Variants in PCDH15 observed in about 807,000 individuals in gnomAD.
PCDH15 encodes the protein protocadherin-15.
A neutral mutation model predicts 178.5 loss-of-function variants in PCDH15; 129 were observed. The observed-to-expected ratio is 0.72, with a 90% CI of 0.63 to 0.84. PCDH15 has a LOEUF of 0.84. Ranked by LOEUF, PCDH15 falls within the 40% of genes least tolerant of loss-of-function variation. The pLI, the probability that PCDH15 is intolerant of heterozygous loss-of-function variation, is 0.00. For synonymous variants in PCDH15, 800 were observed against 732.0 expected (o/e 1.09, Z -1.50); for missense variants, 2,230 against 2,099.9 (o/e 1.06, Z -1.21).
chr10:55,074,907 G>A (rs1417191741), intron 2 of PCDH15, among the ~76,000 whole-genome samples: 1 of 152,108 alleles, frequency 6.6e-6, no homozygotes, highest in African/African-American at 2.4e-5. Flanking sequence ...GTATATGGAA[G>A]GGGTCCAGTT....
At chr10:54,268,416 A>T (rs1004836084) in intron 8 of PCDH15, among the ~76,000 whole-genome samples, 3 of 152,090 alleles carry the variant, frequency 2.0e-5, no homozygotes, top group South Asian at 2.1e-4. Context: ...AAAAACAAAA[A>T]TTGACAAGTG....
At chr10:55,067,500 T>G (rs1003159924) in intron 2 of PCDH15, among the ~76,000 whole-genome samples, 5 of 152,106 alleles carry the variant, frequency 3.3e-5, no homozygotes, top group African/African-American at 1.2e-4. Flanking sequence ...CTTAGGTTGA[T>G]TCCATATCTT....
chr10:53,823,450 A>AAT, intron 32 of PCDH15: 1 of 1,188,484 alleles, frequency 8.4e-7, no homozygotes, highest in Non-Finnish European at 1.3e-6. Flanking sequence ...ATTACTATTA[A>AAT]ATACTTAAAA....
intron 2 of PCDH15, among the ~76,000 whole-genome samples, chr10:55,454,802 T>A (rs1026667056): frequency 2.7e-5 from 4 of 148,054 alleles, no homozygotes; most frequent in Admixed American, 6.8e-5. Flanking sequence ...AAAAAAAAAA[T>A]TTAGCTAGAT....
intron 2 of PCDH15, among the ~76,000 whole-genome samples, chr10:55,066,770 TGA>T (rs1841576060): frequency 6.6e-6 from 1 of 150,996 alleles, no homozygotes; most frequent in African/African-American, 2.4e-5. Context: ...ACAAATTACA[TGA>T]GGTTTTTATT....
chr10:55,216,600 C>A (rs776479289), intron 1 of PCDH15, among the ~76,000 whole-genome samples: 1 of 151,554 alleles, frequency 6.6e-6, no homozygotes, highest in African/African-American at 2.4e-5. Flanking sequence ...TTTTAATGTT[C>A]TCATCACAAA....
At chr10:55,562,583 G>A (rs1309893463) in intron 2 of PCDH15, among the ~76,000 whole-genome samples, 2 of 151,848 alleles carry the variant, frequency 1.3e-5, no homozygotes, top group African/African-American at 4.8e-5. Flanking sequence ...TGGCATACCT[G>A]AGCATACCAA....
chr10:55,321,259 A>G (rs1436111383), upstream of PCDH15, among the ~76,000 whole-genome samples: 1 of 152,200 alleles, frequency 6.6e-6, no homozygotes, highest in Non-Finnish European at 1.5e-5. Context: ...TCTCAGAGCT[A>G]GAAGACTGGC....
chr10:54,934,900 TA>T (rs1396311106), intron 2 of PCDH15, among the ~76,000 whole-genome samples: 3 of 151,748 alleles, frequency 2.0e-5, no homozygotes, highest in Non-Finnish European at 4.4e-5. Context: ...TATGCAGCCA[TA>T]AAAAAGGATG....
intron 18 of PCDH15, among the ~76,000 whole-genome samples, chr10:54,060,535 T>C (rs1473609594): frequency 2.6e-5 from 4 of 152,168 alleles, no homozygotes; most frequent in South Asian, 4.1e-4. Flanking sequence ...CCTGTACATA[T>C]ATTATGTGTA....
chr10:54,402,437 A>G (rs1952048653), intron 3 of PCDH15, among the ~76,000 whole-genome samples: 1 of 152,024 alleles, frequency 6.6e-6, no homozygotes, highest in African/African-American at 2.4e-5. Flanking sequence ...TCGTTTATGT[A>G]TAAAATATTA....
At chr10:54,012,935 T>G (rs1286161468) in intron 20 of PCDH15, among the ~76,000 whole-genome samples, 6 of 151,882 alleles carry the variant, frequency 4.0e-5, no homozygotes, top group Non-Finnish European at 8.8e-5. Flanking sequence ...ATATTAACAC[T>G]GAATGTAAAT....
chr10:54,626,611 T>C (rs2093558001), intron 2 of PCDH15, among the ~76,000 whole-genome samples: 1 of 152,136 alleles, frequency 6.6e-6, no homozygotes. Flanking sequence ...TCAGAAAATA[T>C]ATGGAAATGC....
chr10:54,622,684 T>TTTC (rs2093414585), intron 2 of PCDH15, among the ~76,000 whole-genome samples: 1 of 22,348 alleles, frequency 4.5e-5, no homozygotes, highest in African/African-American at 1.8e-4. Context: ...ATAATATATA[T>TTTC]TATATAATAT....
chr10:55,003,409 C>T (rs1397342859), intron 2 of PCDH15, among the ~76,000 whole-genome samples: 1 of 150,038 alleles, frequency 6.7e-6, no homozygotes, highest in Non-Finnish European at 1.5e-5. Flanking sequence ...ATAGAATGAA[C>T]TAATGGAGGA....
At chr10:55,151,054 C>T (rs973721205) in intron 2 of PCDH15, among the ~76,000 whole-genome samples, 6 of 151,984 alleles carry the variant, frequency 3.9e-5, no homozygotes, top group African/African-American at 1.4e-4. Context: ...CAAGTATTTG[C>T]CTATTCAACA....
Position 54,360,319 on chromosome 10 carries a change from C to T in PCDH15, c.474+8801G>A, listed in dbSNP as rs978675. ...TACTTTTCTTCCCTGCTATATAAAC[C>T]GGCAATTTTAGTCAGCCAAAGAAAT... On this transcript the variant is annotated intron_variant, in intron 5 of 37. Coordinates refer to ENST00000644397, the MANE Select transcript of PCDH15 (RefSeq NM_001384140.1). 7.7e-3 allele frequency among the ~76,000 whole-genome samples: 1,169 copies of T among 152,114 alleles called. 15 individuals carry two copies. Among genetic ancestry groups the T allele is most frequent in the African/African-American group, 0.026 (1,089 of 41,504 alleles).
chr10:54,782,172 G>A (rs572227952), intron 1 of PCDH15, among the ~76,000 whole-genome samples: 40 of 152,156 alleles, frequency 2.6e-4, no homozygotes, highest in Non-Finnish European at 4.7e-4. Flanking sequence ...CAATAGCAGC[G>A]GTGATACAGT....
chr10:53,930,674 T>C (rs2084980870), intron 25 of PCDH15, among the ~76,000 whole-genome samples: 1 of 152,024 alleles, frequency 6.6e-6, no homozygotes, highest in Admixed American at 6.6e-5. Context: ...GTTTCAGTTA[T>C]TTGAAACTTA....
Sources: allele counts gnomAD v4.1 joint callset (sites outside exome capture counted in the v4.1 genomes callset), GRCh38; gene constraint gnomAD v4.1.1; transcripts MANE v1.5; gene names NCBI Gene and HGNC (gene_info 2026-07-23, HGNC 2026-07-21).